The following ADAMTS12 variants were observed in gnomAD, a reference collection of about 807,000 sequenced individuals.
The protein encoded by ADAMTS12 is A disintegrin and metalloproteinase with thrombospondin motifs 12.
In ADAMTS12, 118 loss-of-function variants were observed where a neutral mutation model predicts 167.8. That is an observed-to-expected ratio of 0.70 (90% CI 0.61 to 0.82). The LOEUF is 0.82. ADAMTS12 is among the 40% of genes least tolerant of loss of function. ADAMTS12 has a pLI of 0.00. For missense variants in ADAMTS12, 1,916 were observed against 1,998.8 expected, an observed-to-expected ratio of 0.96 and a Z score of 0.79; for synonymous variants, 704 against 716.9, an observed-to-expected ratio of 0.98 and a Z score of 0.29.
chr5:33,571,845 C>T (rs1257908674), intron 19 of ADAMTS12, among the ~76,000 whole-genome samples: 7 of 151,068 alleles, frequency 4.6e-5, no homozygotes, highest in South Asian at 2.1e-4. Context: ...ATTGATAGAC[C>T]GCTAGCAAGA....
chr5:33,752,712 G>A (rs539146490), intron 2 of ADAMTS12, among the ~76,000 whole-genome samples: 2 of 152,106 alleles, frequency 1.3e-5, no homozygotes, highest in Non-Finnish European at 2.9e-5. Flanking sequence ...AAACATGGGG[G>A]GCTTAGGGAA....
At chr5:33,569,893 G>T (rs1430212294) in intron 19 of ADAMTS12, among the ~76,000 whole-genome samples, 1 of 152,160 alleles carries the variant, frequency 6.6e-6, no homozygotes, top group African/African-American at 2.4e-5. Context: ...ATATAGAGAA[G>T]TGCTTAAAGG....
At chr5:33,570,363 A>T (rs1424354612) in intron 19 of ADAMTS12, among the ~76,000 whole-genome samples, 2 of 152,236 alleles carry the variant, frequency 1.3e-5, no homozygotes, top group African/African-American at 2.4e-5. Context: ...CGGGTTACCC[A>T]CAAAGGGAAG....
At chr5:33,678,692 G>A (rs1198817557) in intron 5 of ADAMTS12, among the ~76,000 whole-genome samples, 1 of 152,190 alleles carries the variant, frequency 6.6e-6, no homozygotes. Flanking sequence ...AGCGAGAGAT[G>A]AGAAAGGGAA....
chr5:33,819,035 T>C (rs1048146757), intron 2 of ADAMTS12, among the ~76,000 whole-genome samples: 2 of 152,130 alleles, frequency 1.3e-5, no homozygotes, highest in Non-Finnish European at 2.9e-5. Context: ...AGTATGTAGG[T>C]TGCCTTTTCA....
chr5:33,559,515 G>C (rs1745637360), intron 20 of ADAMTS12, among the ~76,000 whole-genome samples: 1 of 152,184 alleles, frequency 6.6e-6, no homozygotes, highest in Non-Finnish European at 1.5e-5. Context: ...TTTTCACAAG[G>C]AACTATGGAG....
chr5:33,635,776 A>C (rs1344251940), intron 12 of ADAMTS12, among the ~76,000 whole-genome samples: 1 of 152,174 alleles, frequency 6.6e-6, no homozygotes, highest in African/African-American at 2.4e-5. Context: ...GCAAATAGCA[A>C]CTCTGTAGAC....
chr5:33,683,446 C>T (rs6451013), intron 4 of ADAMTS12, among the ~76,000 whole-genome samples: 151,798 of 152,326 alleles, frequency 1, 75,640 homozygotes, highest in Non-Finnish European at 1. Context: ...AAAACATCAA[C>T]AATGCAAAGA....
At chr5:33,790,814 T>A (rs1320063494) in intron 2 of ADAMTS12, among the ~76,000 whole-genome samples, 1 of 147,880 alleles carries the variant, frequency 6.8e-6, no homozygotes. Flanking sequence ...TATATATGCA[T>A]GTTGATATAT....
At chr5:33,674,743 G>A in intron 5 of ADAMTS12, among the ~76,000 whole-genome samples, 1 of 152,078 alleles carries the variant, frequency 6.6e-6, no homozygotes, top group African/African-American at 2.4e-5. Context: ...TCCTTTGTCT[G>A]TGACTCAGGA....
At chr5:33,719,960 G>T (rs1182858483) in intron 3 of ADAMTS12, among the ~76,000 whole-genome samples, 1 of 152,130 alleles carries the variant, frequency 6.6e-6, no homozygotes, top group Non-Finnish European at 1.5e-5. Flanking sequence ...ATGTGTATCT[G>T]CTTTAAATAC....
In ADAMTS12 at chr5:33,537,566, G is replaced by A. The variant is rs566331889; in HGVS notation, c.4447-2574C>T. On this transcript the variant is annotated intron_variant, in intron 22 of 23. Coordinates refer to ENST00000504830, the MANE Select transcript of ADAMTS12 (RefSeq NM_030955.4). ...CATACCACACTTGACAGACAAGGAA[G>A]CAAATGAAGTTGTACTCTTGGATAG... is the stretch of plus-strand genomic sequence containing the variant. Among the ~76,000 whole-genome samples the A allele has an allele frequency of 2.0e-5, 3 of 152,360 alleles. No homozygotes were observed. In the East Asian group the frequency reaches 5.8e-4, roughly 29 times the overall value.
Position 33,546,126 on chromosome 5 carries a change from C to T in ADAMTS12, c.4379G>A (p.Arg1460Lys), listed in dbSNP as rs768445743. ...ATTGCAAGACATGGTGGATGTGGGT[C>T]TTTTTGTCCAATCACAGAGGCCTCC... is the stretch of plus-strand genomic sequence containing the variant. ...CPGGLCDWTK[R>K]PTSTMSCNEH... Residue 1460 changes from arginine (R) to lysine (K), a missense_variant, in exon 22 of 24, where the codon AGA becomes AAA. Physicochemically the swap from Arg to Lys is conservative, Grantham distance 26. Transcript: ENST00000504830. 2 of 1,613,854 alleles carry T rather than the reference C, an allele frequency of 1.2e-6. No homozygotes were observed. Among genetic ancestry groups the T allele is most frequent in the South Asian group, 1.1e-5 (1 of 91,072 alleles).
intron 12 of ADAMTS12, 54 bp downstream of exon 12, chr5:33,637,523 T>C (rs759158307): frequency 6.5e-7 from 1 of 1,543,406 alleles, no homozygotes; most frequent in Admixed American, 1.9e-5. Context: ...GACATACAAA[T>C]GCTTTGAGAA....
intron 18 of ADAMTS12, among the ~76,000 whole-genome samples, chr5:33,581,311 G>T (rs1464585972): frequency 3.3e-5 from 5 of 152,160 alleles, no homozygotes; most frequent in Non-Finnish European, 7.3e-5. Flanking sequence ...CAGGAAAGCA[G>T]CATGTCAACC....
intron 3 of ADAMTS12, among the ~76,000 whole-genome samples, chr5:33,726,184 C>T (rs1036554527): frequency 1.3e-5 from 2 of 152,158 alleles, no homozygotes; most frequent in Admixed American, 6.5e-5. Flanking sequence ...CAAGCAAGAG[C>T]CTTAAATGCA....
At chr5:33,730,127 T>C (rs1401517760) in intron 3 of ADAMTS12, among the ~76,000 whole-genome samples, 1 of 152,214 alleles carries the variant, frequency 6.6e-6, no homozygotes, top group African/African-American at 2.4e-5. Context: ...GAGACCCACA[T>C]TGTACAGGTT....
chr5:33,579,707 T>C (rs435783), intron 18 of ADAMTS12, among the ~76,000 whole-genome samples: 32,485 of 152,174 alleles, frequency 0.21, 3,570 homozygotes, highest in Non-Finnish European at 0.24. Context: ...CTTCCTCACC[T>C]GGAAACAGAG....
At chr5:33,848,464 A>G (rs1049628040) in intron 2 of ADAMTS12, among the ~76,000 whole-genome samples, 2 of 152,204 alleles carry the variant, frequency 1.3e-5, no homozygotes, top group African/African-American at 2.4e-5. Flanking sequence ...CAAGATCTAT[A>G]CAAGATTTTA....
Sources: gnomAD v4.1 joint callset for allele counts (sites outside exome capture counted in the v4.1 genomes callset) on GRCh38, gnomAD v4.1.1 for gene constraint, MANE v1.5 for transcripts, NCBI Gene and HGNC (gene_info 2026-07-23, HGNC 2026-07-21) for gene names.